PJA2: variants seen among roughly 807,000 people sequenced by gnomAD.
PJA2 encodes the protein praja ring finger ubiquitin ligase 2, also known as E3 ubiquitin-protein ligase Praja-2.
PJA2 carries 25 observed loss-of-function variants against 69.3 expected under a neutral mutation model. That is an observed-to-expected ratio of 0.36 (90% CI 0.26 to 0.50). The LOEUF (loss-of-function observed/expected upper bound fraction) is 0.50, where lower values mean the gene tolerates loss of function less well. Among genes scored for constraint, PJA2 ranks in the 20% least tolerant of loss-of-function variants. PJA2 has a pLI of 0.96. For missense variants in PJA2, 809 were observed against 830.2 expected, an observed-to-expected ratio of 0.97 and a Z score of 0.31; for synonymous variants, 308 against 277.8, an observed-to-expected ratio of 1.11 and a Z score of -1.08.
chr5:109,398,607 G>A (rs1373556023), intron 1 of PJA2, among the ~76,000 whole-genome samples: 3 of 127,328 alleles, frequency 2.4e-5, no homozygotes, highest in Non-Finnish European at 4.8e-5. Flanking sequence ...ATAGGAAGGG[G>A]AACATCACCG....
In PJA2 at chr5:109,336,762, G is replaced by C. The variant is rs1220437404; in HGVS notation, c.*469C>G. The C allele has an allele frequency of 6.6e-6, 1 of 152,344 alleles. No individual in the cohort carries two copies. The highest frequency in any genetic ancestry group is 1.5e-5 in the Non-Finnish European group (1 of 68,174). 9.4% of individuals were successfully genotyped at this position (152,344 alleles called of 1,614,324 possible). ...CTCAGCATATGAACCAAGAGGTTAT[G>C]ATATAGCAAAATCAAAGGGACTAGT... On this transcript the variant is annotated 3_prime_UTR_variant, in exon 10 of 10. Transcript: ENST00000361189.
rs1260325886 is a variant in PJA2 at position 109,337,330 on chromosome 5, A to G, written c.2028T>C (p.Arg676=). The G allele has an allele frequency of 6.2e-7, 1 of 1,612,768 alleles. No individual in the cohort carries two copies. The highest frequency in any genetic ancestry group is 8.5e-7 in the Non-Finnish European group (1 of 1,179,524). The stretch of plus-strand genomic sequence containing the variant: ...CTTCAATAACCGCAGGTGGGAAATG[A>G]CGGCGGCACACAGGGCATGTTCCCG... ...QKSGTCPVCR[R]HFPPAVIEAS... The change falls in exon 10 of 10, where the codon CGT becomes CGC. Residue 676 remains arginine (R), a synonymous_variant. Transcript: ENST00000361189.
intron 1 of PJA2, among the ~76,000 whole-genome samples, chr5:109,400,951 C>T: frequency 6.6e-6 from 1 of 152,050 alleles, no homozygotes; most frequent in East Asian, 1.9e-4. Context: ...CCACTGCACT[C>T]CAGCCTGGGA....
chr5:109,409,587 C>A (rs894116115), intron 1 of PJA2, among the ~76,000 whole-genome samples: 1 of 152,038 alleles, frequency 6.6e-6, no homozygotes, highest in African/African-American at 2.4e-5. Flanking sequence ...TGTCGGGGGG[C>A]GGCGGGCGCG....
At chr5:109,346,134 CTGCT>C (rs1561341689) in intron 7 of PJA2, among the ~76,000 whole-genome samples, 1 of 152,184 alleles carries the variant, frequency 6.6e-6, no homozygotes. Flanking sequence ...TCCTTCTGAA[CTGCT>C]ACTGTATTCA....
chr5:109,377,152 C>T (rs905457307), intron 4 of PJA2, among the ~76,000 whole-genome samples: 1 of 152,046 alleles, frequency 6.6e-6, no homozygotes, highest in African/African-American at 2.4e-5. Context: ...TAATAAATTA[C>T]ACAATCTGTA....
rs200269955 is a variant in PJA2, at chr5:109,365,859, TA to T, written c.1469+2701del. Among the ~76,000 whole-genome samples, 685 of 152,310 alleles carry T rather than the reference TA, an allele frequency of 4.5e-3. 6 individuals carry two copies. Among genetic ancestry groups the T allele is most frequent in the African/African-American group, 0.014 (592 of 41,582 alleles). On this transcript the variant is annotated intron_variant, in intron 5 of 9. Coordinates refer to ENST00000361189, the MANE Select transcript of PJA2 (RefSeq NM_014819.5). ...TTTGTATATTTAGCCTAAAGATAGC[TA>T]AAACTAACAGATGTTTAGCAGATGC...
intron 2 of PJA2, among the ~76,000 whole-genome samples, chr5:109,382,432 T>TA (rs1747071818): frequency 6.6e-6 from 1 of 152,188 alleles, no homozygotes; most frequent in African/African-American, 2.4e-5. Context: ...TTTCACTAAG[T>TA]AGTACATTAT....
At chr5:109,344,678 A>G in intron 8 of PJA2, 27 bp downstream of exon 8, 1 of 1,433,880 alleles carries the variant, frequency 7.0e-7, no homozygotes, top group Non-Finnish European at 9.8e-7. Flanking sequence ...TGTGTTCTTC[A>G]ACATTTGAGA....
chr5:109,407,350 G>C (rs568381124), intron 1 of PJA2, among the ~76,000 whole-genome samples: 34 of 152,218 alleles, frequency 2.2e-4, no homozygotes, highest in African/African-American at 7.9e-4. Flanking sequence ...TTTTAAAAAT[G>C]TCAAAAACAA....
At chr5:109,362,268 A>AT in intron 6 of PJA2, among the ~76,000 whole-genome samples, 1 of 152,358 alleles carries the variant, frequency 6.6e-6, no homozygotes, top group South Asian at 2.1e-4. Context: ...AATTCTGAGC[A>AT]TTGTATCGTA....
At chr5:109,383,321 A>G in intron 2 of PJA2, 82 bp downstream of exon 2, 1 of 1,230,904 alleles carries the variant, frequency 8.1e-7, no homozygotes, top group Non-Finnish European at 1.2e-6. Flanking sequence ...AGGTCAGATG[A>G]TCATATGTCA....
intron 6 of PJA2, among the ~76,000 whole-genome samples, chr5:109,356,565 T>C (rs368666971): frequency 8.5e-5 from 13 of 152,322 alleles, no homozygotes; most frequent in Admixed American, 3.9e-4. Flanking sequence ...AGGGATATAG[T>C]ACATTTCCCC....
intron 1 of PJA2, among the ~76,000 whole-genome samples, chr5:109,406,691 T>C (rs890014882): frequency 6.6e-6 from 1 of 152,118 alleles, no homozygotes; most frequent in Admixed American, 6.5e-5. Flanking sequence ...AAAAAAGATG[T>C]TCACAAAAAT....
chr5:109,374,103 T>C (rs1561354780), intron 4 of PJA2, among the ~76,000 whole-genome samples: 1 of 152,214 alleles, frequency 6.6e-6, no homozygotes. Flanking sequence ...AATACAGTGA[T>C]ATGAATGGAT....
chr5:109,384,936 GC>G (rs1747124505), intron 1 of PJA2, among the ~76,000 whole-genome samples: 1 of 152,042 alleles, frequency 6.6e-6, no homozygotes, highest in Non-Finnish European at 1.5e-5. Context: ...TCCTGCCTCA[GC>G]CTCCCAGTAG....
rs549534534 is a variant in PJA2, at chr5:109,393,819, G to T, written c.-87-10299C>A. Among the ~76,000 whole-genome samples, 5 of 152,050 alleles carry T rather than the reference G, an allele frequency of 3.3e-5. No homozygotes were observed. In the South Asian group the frequency reaches 1.0e-3, roughly 32 times the overall value. Reference sequence around the variant, plus strand: ...AACAGGAGTATTACAAACACAAATGGATCTCACAAAAATGAATGAAATGAA... The same window carrying T: ...AACAGGAGTATTACAAACACAAATGTATCTCACAAAAATGAATGAAATGAA... On this transcript the variant is annotated intron_variant, in intron 1 of 9. Coordinates refer to ENST00000361189, the MANE Select transcript of PJA2 (RefSeq NM_014819.5).
chr5:109,355,714 A>G (rs907164732), intron 7 of PJA2, among the ~76,000 whole-genome samples: 4 of 152,236 alleles, frequency 2.6e-5, no homozygotes, highest in African/African-American at 9.6e-5. Flanking sequence ...AAACTGAGAA[A>G]TACTGAAATT....
intron 5 of PJA2, 134 bp from the exon 6 acceptor site, chr5:109,363,156 G>A (rs1762529038): frequency 1.4e-6 from 1 of 701,294 alleles, no homozygotes; most frequent in Non-Finnish European, 2.1e-6. Context: ...CTAAAAAACT[G>A]TCTTCCTTAA....
Sources: allele counts gnomAD v4.1 joint callset (sites outside exome capture counted in the v4.1 genomes callset), GRCh38; gene constraint gnomAD v4.1.1; transcripts MANE v1.5; gene names NCBI Gene and HGNC (gene_info 2026-07-23, HGNC 2026-07-21).